The following ZCCHC14 variants were observed in gnomAD, a reference collection of about 807,000 sequenced individuals.
ZCCHC14 encodes zinc finger CCHC domain-containing protein 14.
In ZCCHC14, 16 loss-of-function variants were observed where a neutral mutation model predicts 85.0. The observed-to-expected ratio is 0.19, with a 90% CI of 0.13 to 0.29. ZCCHC14 has a LOEUF of 0.29. Ranked by LOEUF, ZCCHC14 falls within the 10% of genes least tolerant of loss-of-function variation. The pLI is 1.00. For synonymous variants in ZCCHC14, 775 were observed against 630.7 expected, an observed-to-expected ratio of 1.23 and a Z score of -3.43; for missense variants, 1,303 against 1,443.5, an observed-to-expected ratio of 0.90 and a Z score of 1.58.
At position 87,417,757 on chromosome 16, in the gene ZCCHC14, C is replaced by CA. The variant is rs1183484290; in HGVS notation, c.1101-16dup. On this transcript the variant is annotated splice_polypyrimidine_tract_variant and intron_variant, in intron 7 of 12. Coordinates refer to ENST00000671377, the MANE Select transcript of ZCCHC14 (RefSeq NM_015144.3). ...CACACACAGGCCTGTGGGACAGGGG[C>CA]AGGAGGGACACAGAGAGACTGTGGC... 1 of 1,564,426 alleles carries CA rather than the reference C, an allele frequency of 6.4e-7. No homozygotes were observed. The highest frequency in any genetic ancestry group is 8.6e-7 in the Non-Finnish European group (1 of 1,158,614).
At chr16:87,484,779 T>G (rs1420860939) in intron 1 of ZCCHC14, among the ~76,000 whole-genome samples, 1 of 151,782 alleles carries the variant, frequency 6.6e-6, no homozygotes, top group Admixed American at 6.6e-5. Context: ...AGGTGAGTGG[T>G]GTTAAAGGTG....
At chr16:87,429,902 C>G (rs1389761493) in intron 3 of ZCCHC14, among the ~76,000 whole-genome samples, 1 of 152,220 alleles carries the variant, frequency 6.6e-6, no homozygotes, top group Admixed American at 6.5e-5. Flanking sequence ...CCACCGCGCC[C>G]AGCCGGAGAC....
At position 87,492,926 on chromosome 16, in the gene ZCCHC14, G is replaced by GCGA. The variant is rs1216959093; in HGVS notation, c.-691_-689dup. On this transcript the variant is annotated 5_prime_UTR_variant, in exon 1 of 13. Coordinates refer to ENST00000671377, the MANE Select transcript of ZCCHC14 (RefSeq NM_015144.3). This position sits in a 1 kb window ranked among gnomAD's most constrained non-coding sequence, Gnocchi z 6.7. The stretch of plus-strand genomic sequence containing the variant: ...CCCGAGCGCGGCGGCGGCGGCGACG[G>GCGA]CGACGGCGACGGCGACGGCGACGGC... Among the ~76,000 whole-genome samples the GCGA allele has an allele frequency of 2.1e-5, 3 of 142,842 alleles. No individual in the cohort carries two copies. The highest frequency in any genetic ancestry group is 4.5e-5 in the Non-Finnish European group (3 of 66,678). The allele number at this position is 142,842 out of a possible 152,430, so 93.7% of individuals were successfully genotyped here.
chr16:87,480,419 TA>T (rs1245062574), intron 1 of ZCCHC14, among the ~76,000 whole-genome samples: 1 of 151,758 alleles, frequency 6.6e-6, no homozygotes, highest in Non-Finnish European at 1.5e-5. Flanking sequence ...AATAAATAAA[TA>T]AAAATGAGAA....
chr16:87,478,275 G>A (rs546937929), intron 1 of ZCCHC14, among the ~76,000 whole-genome samples: 10 of 152,170 alleles, frequency 6.6e-5, no homozygotes, highest in Non-Finnish European at 1.3e-4. Flanking sequence ...CTAAAATCAC[G>A]CAACGAAGGA....
chr16:87,485,605 A>AAAAAG (rs1555526130), intron 1 of ZCCHC14, among the ~76,000 whole-genome samples: 1 of 151,314 alleles, frequency 6.6e-6, no homozygotes, highest in Non-Finnish European at 1.5e-5. Flanking sequence ...AAAAAAAAAA[A>AAAAAG]AAGAAGAAGA....
At chr16:87,488,617 C>G (rs1179303260) in intron 1 of ZCCHC14, among the ~76,000 whole-genome samples, 2 of 152,212 alleles carry the variant, frequency 1.3e-5, no homozygotes, top group African/African-American at 4.8e-5. Flanking sequence ...CACTCTGTCA[C>G]CCAGGCTGGA....
In ZCCHC14 at chr16:87,438,809, C is replaced by T. The variant is rs532186306; in HGVS notation, c.695-5608G>A. Among the ~76,000 whole-genome samples the T allele has an allele frequency of 5.2e-3, 785 of 152,208 alleles. 6 individuals carry two copies. The highest frequency in any genetic ancestry group is 0.017 in the African/African-American group (717 of 41,512). On this transcript the variant is annotated intron_variant, in intron 2 of 12. Transcript: ENST00000671377. ...GTCGGCACTGCCCCGGTCTTCCTCC[C>T]GCTACAGAGGAACAGCAGAGGGCCC...
At position 87,419,916 on chromosome 16, in the gene ZCCHC14, G is replaced by GC. The variant is rs1320821788; in HGVS notation, c.951-40dup. Reference sequence around the variant, plus strand: ...AAGTGGTCTTATCAACATTAAAATGGCATTCCTGCTGACGAATTGAAAGAA... The same window carrying GC: ...AAGTGGTCTTATCAACATTAAAATGGCCATTCCTGCTGACGAATTGAAAGAA... On this transcript the variant is annotated intron_variant, in intron 5 of 12. Transcript: ENST00000671377. 6 of 1,531,046 alleles carry GC rather than the reference G, an allele frequency of 3.9e-6. No homozygotes were observed. In the East Asian group the frequency reaches 1.1e-4, roughly 29 times the overall value. The allele number at this position is 1,531,046 out of a possible 1,614,324, so 94.8% of individuals were successfully genotyped here. A position where few individuals can be genotyped will look rare whatever the true frequency, so the allele number is the denominator to read the frequency against.
intron 1 of ZCCHC14, among the ~76,000 whole-genome samples, chr16:87,462,296 G>C (rs1911301466): frequency 6.6e-6 from 1 of 152,126 alleles, no homozygotes; most frequent in Non-Finnish European, 1.5e-5. Context: ...TCTATGGTTA[G>C]AGAACCCAGA....
At chr16:87,463,577 G>A (rs1911375552) in intron 1 of ZCCHC14, among the ~76,000 whole-genome samples, 1 of 152,110 alleles carries the variant, frequency 6.6e-6, no homozygotes, top group African/African-American at 2.4e-5. Context: ...CCAGCACTCT[G>A]GGAGGCCGAG....
rs142380017 is a variant in ZCCHC14, at chr16:87,493,009, C to G, written c.-771G>C. The stretch of plus-strand genomic sequence containing the variant: ...GTCGCGCTCGCGGCTGACGGGCGGC[C>G]GGGATCAGCAGAAGTGGGCGGGGTG... On this transcript the variant is annotated 5_prime_UTR_variant, in exon 1 of 13. Coordinates refer to ENST00000671377, the MANE Select transcript of ZCCHC14 (RefSeq NM_015144.3). Among the ~76,000 whole-genome samples the G allele has an allele frequency of 2.0e-4, 30 of 151,978 alleles. No homozygotes were observed. The highest frequency in any genetic ancestry group is 1.0e-3 in the Admixed American group (16 of 15,290).
rs1019423565 is a variant in ZCCHC14, at chr16:87,492,800, G to C, written c.-562C>G. On this transcript the variant is annotated 5_prime_UTR_variant, in exon 1 of 13. Coordinates refer to ENST00000671377, the MANE Select transcript of ZCCHC14 (RefSeq NM_015144.3). The surrounding 1 kb of genome is among the most constrained non-coding windows in gnomAD (Gnocchi z 6.7). ...GGGGAGCGCTGGGGGCCGCGGCCGC[G>C]AAACGGACGCTGGAGGGGGAGGGAC... The C allele has an allele frequency of 1.4e-5, 2 of 147,612 alleles. No individual in the cohort carries two copies. The highest frequency in any genetic ancestry group is 1.9e-4 in the South Asian group (1 of 5,184). 9.1% of individuals were successfully genotyped at this position (147,612 alleles called of 1,614,324 possible). A position where few individuals can be genotyped will look rare whatever the true frequency, so the allele number is the denominator to read the frequency against.
At chr16:87,445,128 G>A in intron 2 of ZCCHC14, among the ~76,000 whole-genome samples, 1 of 150,682 alleles carries the variant, frequency 6.6e-6, no homozygotes, top group African/African-American at 2.5e-5. Flanking sequence ...GTGCAGCGGT[G>A]TGATATCAGC....
At chr16:87,424,437 T>TG (rs751980746) in intron 3 of ZCCHC14, among the ~76,000 whole-genome samples, 13 of 151,752 alleles carry the variant, frequency 8.6e-5, no homozygotes, top group Non-Finnish European at 1.3e-4. Context: ...TGATCACTGC[T>TG]GGGGAAGAGC....
chr16:87,423,377 G>C (rs528541864), intron 4 of ZCCHC14, among the ~76,000 whole-genome samples: 3 of 152,030 alleles, frequency 2.0e-5, no homozygotes, highest in Admixed American at 2.0e-4. Flanking sequence ...GCAAGATCCA[G>C]TCTCTTAAAA....
rs143679529 is a variant in ZCCHC14, at chr16:87,424,681, G to A, written c.769-800C>T. On this transcript the variant is annotated intron_variant, in intron 3 of 12. Transcript: ENST00000671377. ...CATGAGGTGCTAAACAAAGCTGACT[G>A]AGGGGGAAGGAGAGCGTACTTTTTG... Among the ~76,000 whole-genome samples, 421 of 152,292 alleles carry A rather than the reference G, an allele frequency of 2.8e-3. 2 individuals are homozygous for A. The highest frequency in any genetic ancestry group is 8.3e-3 in the South Asian group (40 of 4,828).
chr16:87,469,598 T>C (rs927688511), intron 1 of ZCCHC14, among the ~76,000 whole-genome samples: 2 of 152,218 alleles, frequency 1.3e-5, no homozygotes, highest in Non-Finnish European at 2.9e-5. Context: ...AAAATGCATT[T>C]CTAGTACTGT....
Position 87,411,873 on chromosome 16 carries a change from G to T in ZCCHC14, c.2848C>A (p.Pro950Thr). 2 of 1,603,908 alleles carry T rather than the reference G, an allele frequency of 1.2e-6. No homozygotes were observed. The highest frequency in any genetic ancestry group is 8.5e-7 in the Non-Finnish European group (1 of 1,176,012). ...TVSYANYFQH[P>T]FSGPSVFTFP... ...GTGAACACGGACGGACCGGAGAACG[G>T]GTGCTGGAAGTAGTTGGCGTAGCTG... Residue 950 changes from proline to threonine, a missense_variant, in exon 12 of 13, where the codon CCG (proline) becomes ACG (threonine). By Grantham distance (38) the Pro-to-Thr change is conservative. Transcript: ENST00000671377.
Sources: gnomAD v4.1 joint callset for allele counts (sites outside exome capture counted in the v4.1 genomes callset) on GRCh38, gnomAD v4.1.1 for gene constraint, Gnocchi (gnomAD v3.1) non-coding constraint, MANE v1.5 for transcripts, NCBI Gene and HGNC (gene_info 2026-07-23, HGNC 2026-07-21) for gene names.